The following ASB4 variants were observed in gnomAD, a reference collection of about 807,000 sequenced individuals.
The protein encoded by ASB4 is ankyrin repeat and SOCS box protein 4.
Under a neutral mutation model 38.6 loss-of-function variants are expected in ASB4, and 35 were observed. That is an observed-to-expected ratio of 0.91 (90% confidence interval 0.69 to 1.20). ASB4 has a LOEUF of 1.20. Among genes scored for constraint, ASB4 ranks in the 50% most tolerant of loss-of-function variants. The pLI is 0.00. For synonymous variants in ASB4, 195 were observed against 201.3 expected, an observed-to-expected ratio of 0.97 and a Z score of 0.26; for missense variants, 557 against 527.2, an observed-to-expected ratio of 1.06 and a Z score of -0.55.
upstream of ASB4, among the ~76,000 whole-genome samples, chr7:95,484,603 C>T (rs1790058815): frequency 6.6e-6 from 1 of 152,126 alleles, no homozygotes; most frequent in Non-Finnish European, 1.5e-5. Context: ...CATTTACATG[C>T]TTAAGTAAAT....
chr7:95,507,092 C>T (rs553096882), intron 2 of ASB4, among the ~76,000 whole-genome samples: 4 of 152,024 alleles, frequency 2.6e-5, no homozygotes, highest in African/African-American at 9.7e-5. Flanking sequence ...AGATCCGAGT[C>T]ACTAAAAGCT....
chr7:95,495,769 C>G lies in ASB4; in HGVS notation c.199C>G (p.Pro67Ala), dbSNP rs527430788. 6.3e-7 allele frequency: 1 copy of G among 1,578,634 alleles called. No individual in the cohort carries two copies. Among genetic ancestry groups the G allele is most frequent in the East Asian group, 2.2e-5 (1 of 44,536 alleles). ...TTTTTTTTTTTCAGGTTACTGGTTG[C>G]CTAGCTATAAATTGAAGTCTTCCTG... ...LASYKQGYWL[P>A]SYKLKSSWAT... Residue 67 changes from proline (P) to alanine (A), a missense_variant, in exon 2 of 5, where the codon CCT becomes GCT. By Grantham distance (27) the Pro-to-Ala change is conservative. Transcript: ENST00000325885.
downstream of ASB4, among the ~76,000 whole-genome samples, chr7:95,540,755 G>C (rs1469151776): frequency 6.6e-6 from 1 of 152,200 alleles, no homozygotes; most frequent in African/African-American, 2.4e-5. Flanking sequence ...TTAGGAACTA[G>C]ACACACTTGT....
In ASB4 at chr7:95,527,998, C is replaced by A. The variant is rs779205172; in HGVS notation, c.673C>A (p.Gln225Lys). 1 of 1,614,140 alleles carries A rather than the reference C, an allele frequency of 6.2e-7. No homozygotes were observed. Among genetic ancestry groups the A allele is most frequent in the Non-Finnish European group, 8.5e-7 (1 of 1,180,028 alleles). The part of the protein sequence containing the change: ...AAYWALRFKE[Q>K]EYSTEHHLVC... ...CTACTGGGCCCTCCGCTTTAAGGAG[C>A]AGGAGTACAGCACGGAGCACCACCT... Residue 225 changes from glutamine (Q) to lysine (K), a missense_variant, in exon 3 of 5, where the codon CAG becomes AAG. By Grantham distance (53) the Gln-to-Lys change is moderately conservative. Coordinates refer to ENST00000325885, the MANE Select transcript of ASB4 (RefSeq NM_016116.3).
intron 2 of ASB4, among the ~76,000 whole-genome samples, chr7:95,500,173 A>G (rs1790314577): frequency 6.6e-6 from 1 of 152,130 alleles, no homozygotes; most frequent in South Asian, 2.1e-4. Context: ...GAAAGCATAG[A>G]CATTTTCATA....
At position 95,527,843 on chromosome 7, in the gene ASB4, A is replaced by G. The variant is rs763813324; in HGVS notation, c.518A>G (p.Gln173Arg). ...GANVNMKTNNQDEETPLHTAA... is the reference protein window; with the variant it reads ...GANVNMKTNNRDEETPLHTAA... ...AATGTGAACATGAAGACCAACAACC[A>G]AGATGAGGAGACGCCCTTGCACACG... The change falls in exon 3 of 5, where the codon CAA becomes CGA. Residue 173 changes from glutamine to arginine, a missense_variant. Coordinates refer to ENST00000325885, the MANE Select transcript of ASB4 (RefSeq NM_016116.3). 1.2e-6 allele frequency: 2 copies of G among 1,607,136 alleles called. No individual in the cohort carries two copies. The highest frequency in any genetic ancestry group is 1.7e-5 in the Admixed American group (1 of 59,910).
intron 3 of ASB4, among the ~76,000 whole-genome samples, chr7:95,530,413 C>T (rs960075550): frequency 5.9e-5 from 9 of 151,980 alleles, no homozygotes; most frequent in Non-Finnish European, 8.8e-5. Flanking sequence ...TGCAGTGAGC[C>T]GAGATTGTGC....
downstream of ASB4, among the ~76,000 whole-genome samples, chr7:95,540,582 G>A (rs1351113472): frequency 6.6e-6 from 1 of 152,168 alleles, no homozygotes; most frequent in Non-Finnish European, 1.5e-5. Context: ...CAAAGCAACA[G>A]AGGAAATTAC....
At chr7:95,544,990 A>G (rs1393132839), downstream of ASB4, among the ~76,000 whole-genome samples, 1 of 151,722 alleles carries the variant, frequency 6.6e-6, no homozygotes, top group African/African-American at 2.4e-5. Flanking sequence ...GCCCAGCCAG[A>G]TATGACAGGG....
At chr7:95,505,700 A>C (rs1194611318) in intron 2 of ASB4, among the ~76,000 whole-genome samples, 1 of 126,730 alleles carries the variant, frequency 7.9e-6, no homozygotes, top group East Asian at 2.9e-4. Flanking sequence ...CCCCCCCCCA[A>C]ATACTTATTC....
At chr7:95,534,772 A>G (rs1345377443) in intron 3 of ASB4, among the ~76,000 whole-genome samples, 1 of 152,246 alleles carries the variant, frequency 6.6e-6, no homozygotes, top group Non-Finnish European at 1.5e-5. Flanking sequence ...AAACTGCTTA[A>G]AGACAAAAAA....
At chr7:95,515,332 C>CCTTCCTTCCTTCCTTT (rs1451550697) in intron 2 of ASB4, among the ~76,000 whole-genome samples, 2 of 119,646 alleles carry the variant, frequency 1.7e-5, no homozygotes, top group East Asian at 4.7e-4. Flanking sequence ...TTCCTTCCTT[C>CCTTCCTTCCTTCCTTT]CTTTCTTTCT....
chr7:95,496,313 T>C, intron 2 of ASB4: 1 of 379,570 alleles, frequency 2.6e-6, no homozygotes, highest in Non-Finnish European at 4.8e-6. Flanking sequence ...GCTCCTATTA[T>C]GCATCAGGTA....
chr7:95,508,656 C>A (rs1367545063), intron 2 of ASB4, among the ~76,000 whole-genome samples: 4 of 152,052 alleles, frequency 2.6e-5, no homozygotes, highest in Non-Finnish European at 5.9e-5. Flanking sequence ...ACTGAGACAG[C>A]AGATAATTGG....
Position 95,528,150 on chromosome 7 carries a change from C to A in ASB4, c.825C>A (p.Gly275=), listed in dbSNP as rs1192124183. ...HVLMHMMLEA[G]AEANLMDING... ...TCATGCACATGATGCTGGAAGCTGG[C>A]GCCGAAGCCAATCTCATGGATATCA... Residue 275 remains glycine, a synonymous_variant, in exon 3 of 5, where the codon GGC becomes GGA. Transcript: ENST00000325885. 3 of 1,614,064 alleles carry A rather than the reference C, an allele frequency of 1.9e-6. No individual in the cohort carries two copies. Among genetic ancestry groups the A allele is most frequent in the Admixed American group, 1.7e-5 (1 of 60,004 alleles).
At chr7:95,516,480 G>C (rs1790584862) in intron 2 of ASB4, among the ~76,000 whole-genome samples, 1 of 152,080 alleles carries the variant, frequency 6.6e-6, no homozygotes. Context: ...TAAACAAAAT[G>C]ATAAATAAAC....
intron 3 of ASB4, among the ~76,000 whole-genome samples, chr7:95,529,837 A>G (rs1443310983): frequency 6.6e-6 from 1 of 152,180 alleles, no homozygotes. Context: ...CATTACTCAC[A>G]TTTAAAAGGT....
the ASB4 span, among the ~76,000 whole-genome samples, chr7:95,472,547 G>A: frequency 6.6e-6 from 1 of 152,128 alleles, no homozygotes; most frequent in Admixed American, 6.5e-5. Flanking sequence ...GCAGTTGCCT[G>A]TTAGTGGATT....
the ASB4 span, among the ~76,000 whole-genome samples, chr7:95,549,158 C>T: frequency 1.9e-3 from 295 of 152,060 alleles, no homozygotes; most frequent in Non-Finnish European, 3.3e-3. Context: ...GAGAGAGTTA[C>T]GGGAGGATGG....
Sources: allele counts gnomAD v4.1 joint callset (sites outside exome capture counted in the v4.1 genomes callset), GRCh38; gene constraint gnomAD v4.1.1; transcripts MANE v1.5; gene names NCBI Gene and HGNC (gene_info 2026-07-23, HGNC 2026-07-21).